Variants in RALYL observed in about 807,000 individuals in gnomAD.
RALYL encodes the protein RNA-binding Raly-like protein.
In RALYL, 29 loss-of-function variants were observed where a neutral mutation model predicts 35.1. The ratio of observed to expected loss-of-function variants is 0.83; its 90% CI spans 0.61 to 1.13. The LOEUF is 1.13. Ranked by LOEUF, RALYL falls within the 50% of genes most tolerant of loss-of-function variation. RALYL has a pLI of 0.00. For synonymous variants in RALYL, 120 were observed against 127.6 expected, an observed-to-expected ratio of 0.94 and a Z score of 0.40; for missense variants, 359 against 360.4, an observed-to-expected ratio of 1.00 and a Z score of 0.03.
chr8:84,576,148 G>A (rs1009664481), intron 2 of RALYL, among the ~76,000 whole-genome samples: 8 of 151,794 alleles, frequency 5.3e-5, no homozygotes, highest in African/African-American at 1.5e-4. Context: ...TTCTTCAAGC[G>A]TTTACTTGCT....
chr8:84,215,489 G>T (rs1776361757), intron 1 of RALYL, among the ~76,000 whole-genome samples: 2 of 150,516 alleles, frequency 1.3e-5, no homozygotes, highest in African/African-American at 2.4e-5. Flanking sequence ...ATTTATATAT[G>T]GATATAAATG....
At chr8:84,905,876 T>A (rs1377383576) in intron 8 of RALYL, among the ~76,000 whole-genome samples, 1 of 152,116 alleles carries the variant, frequency 6.6e-6, no homozygotes, top group Non-Finnish European at 1.5e-5. Flanking sequence ...TCCTGTTTCC[T>A]ACAATCTATA....
Position 84,301,547 on chromosome 8 carries a change from A to C in RALYL, c.-24+117123A>C, listed in dbSNP as rs148618021. On this transcript the variant is annotated intron_variant, in intron 1 of 8. Transcript: ENST00000521268. ...AGTGCGAGGCCATAAAAATGACTGT[A>C]TGTTGAAACTCACAACGTGATCTTA... Among the ~76,000 whole-genome samples, 334 of 152,204 alleles carry C rather than the reference A, an allele frequency of 2.2e-3. 5 individuals carry two copies. The East Asian group carries it at 0.058, about 27-fold the overall frequency.
At chr8:84,244,652 AC>A (rs1024584883) in intron 1 of RALYL, among the ~76,000 whole-genome samples, 1 of 152,140 alleles carries the variant, frequency 6.6e-6, no homozygotes, top group African/African-American at 2.4e-5. Flanking sequence ...TTTGTTGTTA[AC>A]CCAATTACCT....
At chr8:84,730,240 C>G (rs550527764) in intron 2 of RALYL, among the ~76,000 whole-genome samples, 1 of 152,062 alleles carries the variant, frequency 6.6e-6, no homozygotes, top group Non-Finnish European at 1.5e-5. Context: ...ATACACAAAT[C>G]AATAAATGTA....
intron 2 of RALYL, among the ~76,000 whole-genome samples, chr8:84,595,489 CA>C (rs1408577867): frequency 6.6e-6 from 1 of 152,088 alleles, no homozygotes; most frequent in Non-Finnish European, 1.5e-5. Context: ...TCCCAAAAAA[CA>C]AGATTTGAAT....
At chr8:84,578,358 C>T (rs1023432174) in intron 2 of RALYL, among the ~76,000 whole-genome samples, 1 of 152,232 alleles carries the variant, frequency 6.6e-6, no homozygotes, top group Non-Finnish European at 1.5e-5. Flanking sequence ...ACAGCCCTGG[C>T]TCAGGGATCA....
Position 84,539,864 on chromosome 8 carries a change from A to ATATATATATATG in RALYL, c.256+10298_256+10299insGTATATATATAT, listed in dbSNP as rs1314365440. ...TATATATATATATATGTATATATAT[A>ATATATATATATG]TATATATATATATGTATATATATGT... is the stretch of plus-strand genomic sequence containing the variant. On this transcript the variant is annotated intron_variant, in intron 2 of 8. Coordinates refer to ENST00000521268, the MANE Select transcript of RALYL (RefSeq NM_173848.7). Among the ~76,000 whole-genome samples, 20 of 99,550 alleles carry ATATATATATATG rather than the reference A, an allele frequency of 2.0e-4. 2 individuals are homozygous for ATATATATATATG. Among genetic ancestry groups the ATATATATATATG allele is most frequent in the African/African-American group, 7.1e-4 (19 of 26,942 alleles). The allele number at this position is 99,550 out of a possible 152,430, so 65.3% of individuals were successfully genotyped here.
At chr8:84,579,032 TG>T (rs1588305311) in intron 2 of RALYL, among the ~76,000 whole-genome samples, 2 of 152,188 alleles carry the variant, frequency 1.3e-5, no homozygotes, top group East Asian at 3.9e-4. Context: ...CCCAGGAGGC[TG>T]TCTGCTTCCT....
intron 1 of RALYL, among the ~76,000 whole-genome samples, chr8:84,503,082 A>T (rs1253968078): frequency 1.3e-5 from 2 of 152,130 alleles, no homozygotes; most frequent in Non-Finnish European, 2.9e-5. Flanking sequence ...AGTATTAAAA[A>T]TTCCAGAGCA....
At chr8:84,464,727 C>G (rs969081912) in intron 1 of RALYL, among the ~76,000 whole-genome samples, 1 of 151,934 alleles carries the variant, frequency 6.6e-6, no homozygotes, top group African/African-American at 2.4e-5. Context: ...CTGACTTCCA[C>G]AATGGTTGAA....
At chr8:84,238,753 G>A (rs1827183648) in intron 1 of RALYL, among the ~76,000 whole-genome samples, 1 of 152,148 alleles carries the variant, frequency 6.6e-6, no homozygotes, top group East Asian at 1.9e-4. Flanking sequence ...CTTCCATCAA[G>A]CTTAGTAGGA....
intron 2 of RALYL, among the ~76,000 whole-genome samples, chr8:84,721,203 A>AT (rs1426516968): frequency 1.4e-5 from 2 of 139,500 alleles, no homozygotes; most frequent in African/African-American, 5.4e-5. Context: ...CCCTATCTCT[A>AT]TTAAAAAAAA....
intron 2 of RALYL, among the ~76,000 whole-genome samples, chr8:84,756,663 C>T (rs1811489518): frequency 6.6e-6 from 1 of 151,988 alleles, no homozygotes; most frequent in Non-Finnish European, 1.5e-5. Context: ...AGAAGTTATG[C>T]ATAATTAATT....
At chr8:84,813,047 G>C (rs561902460) in intron 4 of RALYL, among the ~76,000 whole-genome samples, 149 of 152,304 alleles carry the variant, frequency 9.8e-4, no homozygotes, top group Non-Finnish European at 1.9e-3. Context: ...GTGCCAGGCA[G>C]GAATGGCCTG....
intron 2 of RALYL, among the ~76,000 whole-genome samples, chr8:84,573,962 A>G (rs961633237): frequency 1.3e-5 from 2 of 151,538 alleles, no homozygotes; most frequent in African/African-American, 4.8e-5. Flanking sequence ...ATTTCTTTCT[A>G]AGATCTTTTT....
chr8:84,329,021 G>C (rs1202965327), intron 1 of RALYL, among the ~76,000 whole-genome samples: 1 of 152,172 alleles, frequency 6.6e-6, no homozygotes, highest in Non-Finnish European at 1.5e-5. Flanking sequence ...TGGACACCTA[G>C]GTTGATTCCA....
intron 1 of RALYL, among the ~76,000 whole-genome samples, chr8:84,339,320 A>G (rs1848360179): frequency 6.6e-6 from 1 of 152,002 alleles, no homozygotes; most frequent in African/African-American, 2.4e-5. Context: ...GTGAAGCTTC[A>G]TCTGTATTTG....
intron 1 of RALYL, among the ~76,000 whole-genome samples, chr8:84,451,887 C>T (rs374944736): frequency 6.6e-6 from 1 of 152,016 alleles, no homozygotes; most frequent in East Asian, 1.9e-4. Flanking sequence ...AACTCAATTA[C>T]AAAATGCTCA....
Sources: gnomAD v4.1 joint callset for allele counts (sites outside exome capture counted in the v4.1 genomes callset) on GRCh38, gnomAD v4.1.1 for gene constraint, MANE v1.5 for transcripts, NCBI Gene and HGNC (gene_info 2026-07-23, HGNC 2026-07-21) for gene names.